Variants in MYLK observed in about 807,000 individuals in gnomAD.
MYLK encodes the protein myosin light chain kinase, smooth muscle.
A neutral mutation model predicts 203.4 loss-of-function variants in MYLK; 106 were observed. The observed-to-expected ratio is 0.52, with a 90% CI of 0.45 to 0.61. The LOEUF (loss-of-function observed/expected upper bound fraction) is 0.61, where lower values mean the gene tolerates loss of function less well. Among genes scored for constraint, MYLK ranks in the 20% least tolerant of loss-of-function variants. The pLI, the probability that MYLK is intolerant of heterozygous loss-of-function variation, is 0.00. For missense variants in MYLK, 2,072 were observed against 2,442.3 expected (o/e 0.85, Z 3.20); for synonymous variants, 867 against 959.5 (o/e 0.90, Z 1.78).
At chr3:123,844,832 T>G (rs2066675383) in intron 2 of MYLK, among the ~76,000 whole-genome samples, 1 of 150,722 alleles carries the variant, frequency 6.6e-6, no homozygotes, top group South Asian at 2.1e-4. Context: ...GTTTTTTTTT[T>G]TTTTTTTTTT....
Position 123,640,587 on chromosome 3 carries a change from G to T in MYLK, c.4620-83C>A. The T allele has an allele frequency of 1.4e-6, 2 of 1,469,692 alleles. No homozygotes were observed. Among genetic ancestry groups the T allele is most frequent in the South Asian group, 1.1e-5 (1 of 87,438 alleles). 91.0% of individuals were successfully genotyped at this position (1,469,692 alleles called of 1,614,324 possible). ...AGGGAGTCTGGCCAGGGTAGGCTGG[G>T]GGTAGGAGAAATTGGCAGGAAAGCC... On this transcript the variant is annotated intron_variant, in intron 27 of 33. Coordinates refer to ENST00000360304, the MANE Select transcript of MYLK (RefSeq NM_053025.4). The surrounding 1 kb of genome is among the most constrained non-coding windows in gnomAD (Gnocchi z 4.3).
At chr3:123,704,899 G>T (rs764685574) in intron 16 of MYLK, among the ~76,000 whole-genome samples, 4 of 152,120 alleles carry the variant, frequency 2.6e-5, no homozygotes, top group Non-Finnish European at 4.4e-5. Flanking sequence ...CAGCCTGGGC[G>T]ACAGAGTGAG....
chr3:123,844,110 C>G (rs1037470601), intron 2 of MYLK, among the ~76,000 whole-genome samples: 9 of 152,190 alleles, frequency 5.9e-5, no homozygotes, highest in Non-Finnish European at 1.2e-4. Flanking sequence ...CGACCAAGCT[C>G]TGAGGTGTCC....
At chr3:123,853,845 T>C (rs1350251662) in intron 2 of MYLK, among the ~76,000 whole-genome samples, 3 of 152,144 alleles carry the variant, frequency 2.0e-5, no homozygotes, top group African/African-American at 4.8e-5. Flanking sequence ...TAAATTATTT[T>C]ACTTCTGTCA....
At chr3:123,740,152 G>A in intron 5 of MYLK, 151 bp from the exon 6 acceptor site, 1 of 759,932 alleles carries the variant, frequency 1.3e-6, no homozygotes, top group South Asian at 1.4e-5. Context: ...ACTATGGTAG[G>A]TGTTTACATA....
chr3:123,649,365 G>A (rs1406680687), intron 24 of MYLK, among the ~76,000 whole-genome samples, 171 bp from the exon 25 acceptor site: 1 of 152,088 alleles, frequency 6.6e-6, no homozygotes, highest in East Asian at 1.9e-4. Context: ...ATAGCAAATA[G>A]GGCCCAGTGC....
At chr3:123,737,220 A>G in intron 8 of MYLK, 158 bp downstream of exon 8, 1 of 664,574 alleles carries the variant, frequency 1.5e-6, no homozygotes, top group South Asian at 1.8e-5. Flanking sequence ...CTCTGTCTGA[A>G]GAGAAAAAAA....
chr3:123,690,899 A>T (rs1168982315), intron 19 of MYLK, among the ~76,000 whole-genome samples: 1 of 152,172 alleles, frequency 6.6e-6, no homozygotes, highest in Non-Finnish European at 1.5e-5. Context: ...GGAGAGGACA[A>T]GGGAATCTGC....
At chr3:123,853,856 A>G (rs1379243737) in intron 2 of MYLK, among the ~76,000 whole-genome samples, 2 of 152,166 alleles carry the variant, frequency 1.3e-5, no homozygotes, top group African/African-American at 2.4e-5. Context: ...ACTTCTGTCA[A>G]GATGTGGAGT....
chr3:123,784,135 T>C (rs1050525701), intron 4 of MYLK, among the ~76,000 whole-genome samples: 2 of 152,166 alleles, frequency 1.3e-5, no homozygotes, highest in Admixed American at 6.5e-5. Flanking sequence ...TGTTGGGAGA[T>C]GCCTTGGAAT....
chr3:123,837,571 ATACCATACAATT>A (rs1224505719), intron 2 of MYLK, among the ~76,000 whole-genome samples: 1 of 149,448 alleles, frequency 6.7e-6, no homozygotes, highest in African/African-American at 2.4e-5. Flanking sequence ...TATAATTCAT[ATACCATACAATT>A]TAAAGTCTTC....
At chr3:123,681,011 C>T (rs2060244812) in intron 20 of MYLK, 1 of 126,054 alleles carries the variant, frequency 7.9e-6, no homozygotes, top group Non-Finnish European at 1.5e-5. Context: ...CCCTCCTCCA[C>T]CAAAAAAAAG....
intron 2 of MYLK, among the ~76,000 whole-genome samples, chr3:123,832,984 G>C (rs1159423551): frequency 6.6e-6 from 1 of 152,104 alleles, no homozygotes; most frequent in African/African-American, 2.4e-5. Flanking sequence ...GTTTAGGGTT[G>C]TGGCTTCCCC....
intron 4 of MYLK, among the ~76,000 whole-genome samples, chr3:123,756,372 G>T (rs562495643): frequency 5.9e-5 from 9 of 152,162 alleles, no homozygotes; most frequent in Non-Finnish European, 1.3e-4. Context: ...GGACAGGATT[G>T]GTGCCTGCCA....
chr3:123,678,122 C>T (rs2060137757), intron 20 of MYLK, among the ~76,000 whole-genome samples: 1 of 151,750 alleles, frequency 6.6e-6, no homozygotes. Context: ...TGAGACTCGG[C>T]TGAAGTGACA....
chr3:123,622,843 G>A (rs2057943510), intron 31 of MYLK: 1 of 152,214 alleles, frequency 6.6e-6, no homozygotes, highest in African/African-American at 2.4e-5. Flanking sequence ...TTGCTTTACT[G>A]ACCAAAGACC....
chr3:123,707,687 C>G, intron 16 of MYLK, 67 bp downstream of exon 16: 7 of 1,612,214 alleles, frequency 4.3e-6, no homozygotes, highest in Non-Finnish European at 5.1e-6. Flanking sequence ...CTGCCCAGAC[C>G]CAGGTTAGGG....
intron 5 of MYLK, among the ~76,000 whole-genome samples, chr3:123,745,777 G>A (rs2062995067): frequency 1.3e-5 from 2 of 152,180 alleles, no homozygotes; most frequent in African/African-American, 4.8e-5. Flanking sequence ...AAAGAGACAT[G>A]TCTTGCCTTC....
At chr3:123,743,323 G>T (rs1296396217) in intron 5 of MYLK, among the ~76,000 whole-genome samples, 2 of 152,142 alleles carry the variant, frequency 1.3e-5, no homozygotes, top group South Asian at 2.1e-4. Flanking sequence ...AAGAGGGTAT[G>T]ATGAAAACAT....
Sources: gnomAD v4.1 joint callset for allele counts (sites outside exome capture counted in the v4.1 genomes callset) on GRCh38, gnomAD v4.1.1 for gene constraint, Gnocchi (gnomAD v3.1) non-coding constraint, MANE v1.5 for transcripts, NCBI Gene and HGNC (gene_info 2026-07-23, HGNC 2026-07-21) for gene names.